RABGAP1L: variants seen among roughly 807,000 people sequenced by gnomAD.
RABGAP1L encodes the protein RAB GTPase activating protein 1 like.
Under a neutral mutation model 137.7 loss-of-function variants are expected in RABGAP1L, and 63 were observed. That is an observed-to-expected ratio of 0.46 (90% CI 0.37 to 0.56). The LOEUF is 0.56. RABGAP1L is among the 20% of genes least tolerant of loss of function. RABGAP1L has a pLI of 0.00. For synonymous variants in RABGAP1L, 431 were observed against 433.7 expected, an observed-to-expected ratio of 0.99 and a Z score of 0.08; for missense variants, 1,095 against 1,244.0, an observed-to-expected ratio of 0.88 and a Z score of 1.80.
chr1:174,954,395 T>A (rs1350534064), intron 19 of RABGAP1L: 1 of 152,200 alleles, frequency 6.6e-6, no homozygotes, highest in Non-Finnish European at 1.5e-5. Flanking sequence ...ATTAGCTTAT[T>A]GAGAGTGTTA....
intron 19 of RABGAP1L, chr1:174,875,630 C>A: frequency 1.0e-6 from 1 of 985,328 alleles, no homozygotes; most frequent in Non-Finnish European, 1.2e-6. Flanking sequence ...GCAAGATAAT[C>A]TGAAATCTTC....
At chr1:174,414,074 T>A (rs948007763) in intron 13 of RABGAP1L, among the ~76,000 whole-genome samples, 3 of 152,206 alleles carry the variant, frequency 2.0e-5, no homozygotes. Context: ...TAAATTATAA[T>A]TTTTAATGAC....
chr1:174,610,416 T>C (rs1222065063), intron 13 of RABGAP1L, among the ~76,000 whole-genome samples: 1 of 151,842 alleles, frequency 6.6e-6, no homozygotes, highest in Non-Finnish European at 1.5e-5. Flanking sequence ...TAGTATTCCA[T>C]GGTGTATATG....
At chr1:174,754,922 T>C (rs72715294) in intron 18 of RABGAP1L, among the ~76,000 whole-genome samples, 3 of 152,110 alleles carry the variant, frequency 2.0e-5, no homozygotes, top group African/African-American at 7.2e-5. Context: ...TTCTTGAACA[T>C]TTATACTCTG....
At chr1:174,644,015 T>G (rs1248742233) in intron 14 of RABGAP1L, among the ~76,000 whole-genome samples, 1 of 152,026 alleles carries the variant, frequency 6.6e-6, no homozygotes, top group Non-Finnish European at 1.5e-5. Flanking sequence ...TTCAAAATCA[T>G]TTATTGTATT....
intron 14 of RABGAP1L, among the ~76,000 whole-genome samples, chr1:174,653,908 T>C (rs895670500): frequency 1.3e-5 from 2 of 152,162 alleles, no homozygotes; most frequent in African/African-American, 4.8e-5. Flanking sequence ...AATGAGTATG[T>C]TAGTTCAGAT....
At chr1:174,767,299 T>C (rs907029165) in intron 18 of RABGAP1L, among the ~76,000 whole-genome samples, 2 of 152,234 alleles carry the variant, frequency 1.3e-5, no homozygotes, top group African/African-American at 4.8e-5. Flanking sequence ...ACATTAACAA[T>C]ATTGAGACTT....
At chr1:174,913,342 T>G (rs1337202809) in intron 19 of RABGAP1L, among the ~76,000 whole-genome samples, 1 of 152,198 alleles carries the variant, frequency 6.6e-6, no homozygotes, top group Non-Finnish European at 1.5e-5. Context: ...GATGGTTTCC[T>G]CCAGAGCCTT....
intron 19 of RABGAP1L, among the ~76,000 whole-genome samples, chr1:174,917,221 G>C (rs1661026929): frequency 6.6e-6 from 1 of 152,130 alleles, no homozygotes. Context: ...GTGTGGGAGT[G>C]GGTTGGGGAG....
At chr1:174,171,954 T>C (rs1571356778) in intron 1 of RABGAP1L, among the ~76,000 whole-genome samples, 1 of 152,048 alleles carries the variant, frequency 6.6e-6, no homozygotes, top group East Asian at 1.9e-4. Flanking sequence ...TGAGCTGAGA[T>C]TACACCACTG....
intron 18 of RABGAP1L, among the ~76,000 whole-genome samples, chr1:174,805,972 C>G (rs921468302): frequency 1.3e-5 from 2 of 152,186 alleles, no homozygotes; most frequent in African/African-American, 4.8e-5. Flanking sequence ...ACTCTTCCCT[C>G]GCCATTGTTC....
chr1:174,703,718 CTT>C (rs1374242553), intron 17 of RABGAP1L, among the ~76,000 whole-genome samples: 3 of 152,260 alleles, frequency 2.0e-5, no homozygotes, highest in East Asian at 1.9e-4. Context: ...AGTGTGGACT[CTT>C]TTCTCTACAT....
In RABGAP1L at chr1:174,990,920, T is replaced by C. The variant is rs1272020253; in HGVS notation, c.*919T>C. 3.3e-5 allele frequency: 5 copies of C among 152,182 alleles called. No individual in the cohort carries two copies. The highest frequency in any genetic ancestry group is 4.4e-5 in the Non-Finnish European group (3 of 68,034). The allele number at this position is 152,182 out of a possible 1,614,324, so 9.4% of individuals were successfully genotyped here. ...CAGAGTATTTCATTTAACGTTGATATATACTTGCTAAGGAAACACTAACAA... is the reference window on the plus strand; with the variant it reads ...CAGAGTATTTCATTTAACGTTGATACATACTTGCTAAGGAAACACTAACAA... On this transcript the variant is annotated 3_prime_UTR_variant, in exon 26 of 26. Transcript: ENST00000681986.
intron 12 of RABGAP1L, among the ~76,000 whole-genome samples, chr1:174,374,213 G>A (rs1384521563): frequency 1.3e-5 from 2 of 152,132 alleles, no homozygotes; most frequent in African/African-American, 4.8e-5. Context: ...TTATTTGCTG[G>A]GGGAAGGCTT....
chr1:174,204,340 G>C (rs1301041299), intron 1 of RABGAP1L, among the ~76,000 whole-genome samples: 1 of 152,136 alleles, frequency 6.6e-6, no homozygotes, highest in Non-Finnish European at 1.5e-5. Flanking sequence ...TCTAGATATA[G>C]AGTCGTGTTA....
intron 18 of RABGAP1L, chr1:174,799,919 C>A: frequency 5.1e-6 from 5 of 985,962 alleles, no homozygotes; most frequent in Non-Finnish European, 6.0e-6. Flanking sequence ...CACGCACACA[C>A]ACCCTTTCTC....
At chr1:174,237,230 C>G (rs1306098340) in intron 4 of RABGAP1L, among the ~76,000 whole-genome samples, 1 of 142,636 alleles carries the variant, frequency 7.0e-6, no homozygotes, top group East Asian at 2.1e-4. Flanking sequence ...ATCCAATTTG[C>G]CAGTCTGTGT....
At chr1:174,268,744 T>C (rs1044908906) in intron 7 of RABGAP1L, among the ~76,000 whole-genome samples, 3 of 152,166 alleles carry the variant, frequency 2.0e-5, no homozygotes, top group African/African-American at 7.2e-5. Context: ...TACAGAGTTT[T>C]TGGTATTTGT....
chr1:174,380,878 G>C (rs975697116), intron 12 of RABGAP1L, among the ~76,000 whole-genome samples: 5 of 134,102 alleles, frequency 3.7e-5, no homozygotes, highest in African/African-American at 5.8e-5. Context: ...TAATTGTGAT[G>C]TTAGGGTGTC....
Sources: gnomAD v4.1 joint callset for allele counts (sites outside exome capture counted in the v4.1 genomes callset) on GRCh38, gnomAD v4.1.1 for gene constraint, MANE v1.5 for transcripts, NCBI Gene and HGNC (gene_info 2026-07-23, HGNC 2026-07-21) for gene names.